Variants in TBC1D12 observed in about 807,000 individuals in gnomAD.
The protein encoded by TBC1D12 is TBC1 domain family member 12.
TBC1D12 carries 56 observed loss-of-function variants against 86.7 expected under a neutral mutation model. The observed-to-expected ratio is 0.65, with a 90% CI of 0.52 to 0.81. TBC1D12 has a LOEUF of 0.81. Among genes scored for constraint, TBC1D12 ranks in the 30% least tolerant of loss-of-function variants. TBC1D12 has a pLI of 0.00. For synonymous variants in TBC1D12, 421 were observed against 411.7 expected (o/e 1.02, Z -0.27); for missense variants, 1,023 against 1,038.8 (o/e 0.98, Z 0.21).
chr10:94,423,940 A>C (rs1406532348), intron 1 of TBC1D12, among the ~76,000 whole-genome samples: 2 of 152,238 alleles, frequency 1.3e-5, no homozygotes, highest in Non-Finnish European at 2.9e-5. Flanking sequence ...ACCTAGGATC[A>C]TAAATGTCCA....
intron 2 of TBC1D12, among the ~76,000 whole-genome samples, chr10:94,466,658 A>C (rs1029259196): frequency 6.6e-6 from 1 of 152,142 alleles, no homozygotes; most frequent in African/African-American, 2.4e-5. Context: ...TATTATTGTG[A>C]TACTGAAAAA....
chr10:94,526,056 A>G (rs1842280383), intron 11 of TBC1D12, among the ~76,000 whole-genome samples: 1 of 152,148 alleles, frequency 6.6e-6, no homozygotes, highest in East Asian at 1.9e-4. Context: ...GTAATTTTGT[A>G]TATTTTAACA....
chr10:94,422,197 T>G (rs1410466112), intron 1 of TBC1D12, among the ~76,000 whole-genome samples: 2 of 148,026 alleles, frequency 1.4e-5, no homozygotes, highest in African/African-American at 5.0e-5. Context: ...TTTTTTTTTT[T>G]TTTTTTTTTT....
intron 4 of TBC1D12, 51 bp from the exon 5 acceptor site, chr10:94,497,004 A>T (rs2056329053): frequency 2.7e-6 from 3 of 1,116,516 alleles, no homozygotes; most frequent in African/African-American, 1.7e-5. Context: ...GGAGAAAAGG[A>T]TTTTGATCTA....
At chr10:94,470,123 G>A (rs2055882936) in intron 2 of TBC1D12, among the ~76,000 whole-genome samples, 1 of 152,136 alleles carries the variant, frequency 6.6e-6, no homozygotes, top group African/African-American at 2.4e-5. Context: ...CAAATCACGT[G>A]GAGGAGGGGA....
chr10:94,447,751 G>A, intron 2 of TBC1D12: 1 of 905,240 alleles, frequency 1.1e-6, no homozygotes, highest in Non-Finnish European at 1.3e-6. Context: ...TGAGTTTTTT[G>A]TTTTTTTTTC....
intron 2 of TBC1D12, among the ~76,000 whole-genome samples, chr10:94,460,767 CT>C (rs1017727303): frequency 1.3e-5 from 2 of 152,006 alleles, no homozygotes; most frequent in African/African-American, 2.4e-5. Context: ...ATATTCTGTA[CT>C]TTTTTTCCCA....
chr10:94,526,508 A>G lies in TBC1D12; in HGVS notation c.2000+4055A>G, dbSNP rs888342136. Among the ~76,000 whole-genome samples, 8 of 151,974 alleles carry G rather than the reference A, an allele frequency of 5.3e-5. No individual in the cohort carries two copies. The East Asian group carries it at 1.5e-3, about 29-fold the overall frequency. On this transcript the variant is annotated intron_variant, in intron 11 of 12. Transcript: ENST00000225235. ...CTGCATATGAATGAGAACATGCAGT[A>G]TTTCACTTAACATAATGTCCTCTGG...
intron 3 of TBC1D12, among the ~76,000 whole-genome samples, chr10:94,485,544 C>CT (rs772788846): frequency 0.2 from 24,559 of 122,722 alleles, 2,474 homozygotes; most frequent in East Asian, 0.41. Flanking sequence ...TGTAGTTTTC[C>CT]TTTTTTTTTT....
intron 1 of TBC1D12, among the ~76,000 whole-genome samples, chr10:94,414,008 T>TA (rs2054963451): frequency 6.6e-6 from 1 of 152,200 alleles, no homozygotes; most frequent in South Asian, 2.1e-4. Flanking sequence ...GTAGGGCAAA[T>TA]ACTTCTTTTG....
rs1326904026 is a variant in TBC1D12, at chr10:94,522,328, AT to A, written c.1891-10del. 4 of 1,292,442 alleles carry A rather than the reference AT, an allele frequency of 3.1e-6. No homozygotes were observed. Among genetic ancestry groups the A allele is most frequent in the Non-Finnish European group, 4.3e-6 (4 of 937,202 alleles). The allele number at this position is 1,292,442 out of a possible 1,614,324, so 80.1% of individuals were successfully genotyped here. Reference sequence around the variant, plus strand: ...ACTATATACTTTCATAATTTTATTGATTTTTTAATCTTTAGATGTTGAAATA... The same window carrying A: ...ACTATATACTTTCATAATTTTATTGATTTTTAATCTTTAGATGTTGAAATA... On this transcript the variant is annotated splice_polypyrimidine_tract_variant and intron_variant, in intron 10 of 12. Transcript: ENST00000225235.
intron 2 of TBC1D12, among the ~76,000 whole-genome samples, chr10:94,455,678 C>G (rs1369771502): frequency 6.6e-6 from 1 of 152,144 alleles, no homozygotes; most frequent in Non-Finnish European, 1.5e-5. Context: ...GCCTGTAATC[C>G]CAGCACTTTG....
intron 1 of TBC1D12, among the ~76,000 whole-genome samples, chr10:94,432,327 C>T (rs1305397317): frequency 2.0e-5 from 3 of 152,104 alleles, no homozygotes; most frequent in African/African-American, 4.8e-5. Context: ...GGGTTTTCCC[C>T]CTTAAGATTT....
At chr10:94,515,437 T>G (rs1160270646) in intron 9 of TBC1D12, among the ~76,000 whole-genome samples, 1 of 151,608 alleles carries the variant, frequency 6.6e-6, no homozygotes, top group Admixed American at 6.6e-5. Context: ...ACCCTCCACC[T>G]TCTGGGTTCA....
intron 11 of TBC1D12, among the ~76,000 whole-genome samples, chr10:94,525,589 G>A (rs151303857): frequency 7.3e-4 from 110 of 150,932 alleles, no homozygotes; most frequent in Middle Eastern, 3.4e-3. Flanking sequence ...GAACCCAGGA[G>A]GCCAAGGTTG....
chr10:94,408,122 T>G (rs921293686), intron 1 of TBC1D12, among the ~76,000 whole-genome samples: 1 of 152,236 alleles, frequency 6.6e-6, no homozygotes, highest in Non-Finnish European at 1.5e-5. Flanking sequence ...TTGTTAGGAT[T>G]GCATTGGCAT....
At chr10:94,449,797 C>T (rs2055522989) in intron 2 of TBC1D12, among the ~76,000 whole-genome samples, 1 of 152,170 alleles carries the variant, frequency 6.6e-6, no homozygotes, top group Non-Finnish European at 1.5e-5. Context: ...GGAGAAGCTT[C>T]TATGCTACTG....
chr10:94,463,982 A>G (rs1383001651), intron 2 of TBC1D12, among the ~76,000 whole-genome samples: 1 of 151,964 alleles, frequency 6.6e-6, no homozygotes, highest in Non-Finnish European at 1.5e-5. Flanking sequence ...GTCTTGGTGA[A>G]TTGGTCCCTG....
chr10:94,484,906 G>A (rs2056137046), intron 3 of TBC1D12, among the ~76,000 whole-genome samples: 1 of 152,024 alleles, frequency 6.6e-6, no homozygotes, highest in South Asian at 2.1e-4. Flanking sequence ...AGATTGTTCA[G>A]TGTTGGCATG....
Sources: gnomAD v4.1 joint callset for allele counts (sites outside exome capture counted in the v4.1 genomes callset) on GRCh38, gnomAD v4.1.1 for gene constraint, MANE v1.5 for transcripts, NCBI Gene and HGNC (gene_info 2026-07-23, HGNC 2026-07-21) for gene names.